The following EHD2 variants were observed in gnomAD, a reference collection of about 807,000 sequenced individuals.
EHD2 encodes the protein EH domain containing 2, also known as EH domain-containing protein 2.
EHD2 carries 27 observed loss-of-function variants against 41.0 expected under a neutral mutation model. The ratio of observed to expected loss-of-function variants is 0.66; its 90% confidence interval spans 0.49 to 0.91. EHD2 has a LOEUF of 0.91. EHD2 is among the 40% of genes least tolerant of loss of function. The probability of loss-of-function intolerance (pLI) is 0.00; values close to 1 mark genes in which losing one functional copy is unlikely to be tolerated. For synonymous variants in EHD2, 342 were observed against 341.0 expected (o/e 1.00, Z -0.03); for missense variants, 673 against 773.9 (o/e 0.87, Z 1.55).
chr19:47,740,904 C>G lies in EHD2; in HGVS notation c.1104C>G (p.Phe368Leu). 6.2e-7 allele frequency: 1 copy of G among 1,613,284 alleles called. No individual in the cohort carries two copies. The highest frequency in any genetic ancestry group is 8.5e-7 in the Non-Finnish European group (1 of 1,179,898). Residue 368 changes from phenylalanine (F) to leucine (L), a missense_variant, in exon 6 of 6, where the codon TTC becomes TTG. Transcript: ENST00000263277. ...KMQELLMAHD[F>L]TKFHSLKPKL... ...AGGAGCTGCTGATGGCGCACGACTT[C>G]ACCAAGTTTCACTCGCTGAAGCCGA... is the stretch of plus-strand genomic sequence containing the variant.
At chr19:47,716,209 G>A (rs774210413) in intron 1 of EHD2, among the ~76,000 whole-genome samples, 11 of 151,304 alleles carry the variant, frequency 7.3e-5, no homozygotes, top group Non-Finnish European at 1.3e-4. Flanking sequence ...CTCCCAAAGT[G>A]CTAGGACTAC....
chr19:47,714,664 C>G (rs904115177), intron 1 of EHD2, among the ~76,000 whole-genome samples: 1 of 152,070 alleles, frequency 6.6e-6, no homozygotes, highest in African/African-American at 2.4e-5. Flanking sequence ...GTGTTTGAGT[C>G]CCAGCTTGAG....
rs745870470 is a variant in EHD2, at chr19:47,716,979, C to T, written c.367C>T (p.Arg123Cys). ...ALVVDPDKPF[R>C]KLNPFGNTFL... ...CGTCGTGGACCCGGACAAGCCCTTC[C>T]GCAAACTCAACCCTTTCGGAAACAC... The change falls in exon 2 of 6, where the codon CGC becomes TGC. Residue 123 changes from arginine to cysteine, a missense_variant. Physicochemically the swap from Arg to Cys is radical, Grantham distance 180 (BLOSUM62 -3). Coordinates refer to ENST00000263277, the MANE Select transcript of EHD2 (RefSeq NM_014601.4). 7.5e-6 allele frequency: 12 copies of T among 1,603,486 alleles called. No homozygotes were observed. Among genetic ancestry groups the T allele is most frequent in the Admixed American group, 1.7e-5 (1 of 60,026 alleles).
At chr19:47,723,581 G>A (rs767470681) in intron 3 of EHD2, among the ~76,000 whole-genome samples, 1 of 147,170 alleles carries the variant, frequency 6.8e-6, no homozygotes, top group Non-Finnish European at 1.5e-5. Context: ...GCTTGAACTC[G>A]AGAGGCAGAG....
intron 4 of EHD2, among the ~76,000 whole-genome samples, chr19:47,726,564 C>T (rs1297524475): frequency 4.6e-5 from 7 of 151,338 alleles, no homozygotes; most frequent in Non-Finnish European, 7.4e-5. Flanking sequence ...CCCTCCTCCT[C>T]CTCCTTCTTC....
At position 47,718,605 on chromosome 19, in the gene EHD2, C is replaced by G; in HGVS notation, c.501C>G (p.Arg167=). Residue 167 remains arginine, a splice_region_variant and synonymous_variant, in exon 3 of 6, where the codon CGC becomes CGG. Transcript: ENST00000263277. ...ILSGAKQRVS[R]GYDFPAVLRW... ...CGGGTGCCAAGCAGAGAGTGAGCCG[C>G]GGTGAGTGGGGCCAGACCCTGGGGT... 1 of 1,548,784 alleles carries G rather than the reference C, an allele frequency of 6.5e-7. No individual in the cohort carries two copies. Among genetic ancestry groups the G allele is most frequent in the Non-Finnish European group, 8.7e-7 (1 of 1,143,758 alleles).
chr19:47,733,751 C>CAAAAAAAAAAAAAAAA lies in EHD2; in HGVS notation c.916-2609_916-2594dup, dbSNP rs34254815. 2.4e-3 allele frequency among the ~76,000 whole-genome samples: 135 copies of CAAAAAAAAAAAAAAAA among 57,116 alleles called. 19 individuals are homozygous for CAAAAAAAAAAAAAAAA. The highest frequency in any genetic ancestry group is 3.5e-3 in the Non-Finnish European group (106 of 30,148). The allele number at this position is 57,116 out of a possible 152,430, so 37.5% of individuals were successfully genotyped here. A position where few individuals can be genotyped will look rare whatever the true frequency, so the allele number is the denominator to read the frequency against. On this transcript the variant is annotated intron_variant, in intron 4 of 5. Coordinates refer to ENST00000263277, the MANE Select transcript of EHD2 (RefSeq NM_014601.4). ...TGGGTGACAGAGCAAGACTCTGTCT[C>CAAAAAAAAAAAAAAAA]AAAAAAAAAAAAAAAAAAAAAAAAT... is the stretch of plus-strand genomic sequence containing the variant.
At position 47,718,667 on chromosome 19, in the gene EHD2, C is replaced by T. The variant is rs1599886955; in HGVS notation, c.502+61C>T. On this transcript the variant is annotated intron_variant, in intron 3 of 5. Transcript: ENST00000263277. ...GGGGCTGGGGCCTGGACTCCTGGGTCTGAGGGAGGAGGGACTGGGCCCGGA... is the reference window on the plus strand; with the variant it reads ...GGGGCTGGGGCCTGGACTCCTGGGTTTGAGGGAGGAGGGACTGGGCCCGGA... The T allele has an allele frequency of 1.1e-5, 16 of 1,401,950 alleles. No homozygotes were observed. In the East Asian group the frequency reaches 4.5e-4, roughly 39 times the overall value. The allele number at this position is 1,401,950 out of a possible 1,614,324, so 86.8% of individuals were successfully genotyped here.
chr19:47,721,832 A>C (rs1973699581), intron 3 of EHD2, among the ~76,000 whole-genome samples: 1 of 151,906 alleles, frequency 6.6e-6, no homozygotes, highest in Non-Finnish European at 1.5e-5. Context: ...TAAAAATACA[A>C]AAATTAGCTG....
intron 4 of EHD2, among the ~76,000 whole-genome samples, chr19:47,733,773 A>AAAAAAAAAAAAAAAAAAC (rs1568592563): frequency 6.7e-6 from 1 of 149,868 alleles, no homozygotes; most frequent in Non-Finnish European, 1.5e-5. Flanking sequence ...AAAAAAAAAA[A>AAAAAAAAAAAAAAAAAAC]AATCCACTGT....
At chr19:47,729,049 C>T (rs1973781739) in intron 4 of EHD2, among the ~76,000 whole-genome samples, 1 of 152,210 alleles carries the variant, frequency 6.6e-6, no homozygotes, top group African/African-American at 2.4e-5. Context: ...ACGATGGTTC[C>T]AGTCCTGTCC....
At chr19:47,727,340 G>A (rs144522930) in intron 4 of EHD2, among the ~76,000 whole-genome samples, 1 of 151,296 alleles carries the variant, frequency 6.6e-6, no homozygotes, top group Admixed American at 6.6e-5. Flanking sequence ...CAGGTGATCC[G>A]CTCTCCTTGG....
At chr19:47,733,506 T>C (rs142855718) in intron 4 of EHD2, among the ~76,000 whole-genome samples, 198 of 151,688 alleles carry the variant, frequency 1.3e-3, no homozygotes, top group African/African-American at 4.4e-3. Context: ...ACCCAGTCTC[T>C]ACTAAAAATA....
chr19:47,723,858 T>C (rs1384744600), intron 3 of EHD2, among the ~76,000 whole-genome samples: 2 of 151,870 alleles, frequency 1.3e-5, no homozygotes, highest in African/African-American at 4.8e-5. Context: ...TTTATTTTAT[T>C]TTTTTCTGTA....
Position 47,716,108 on chromosome 19 carries a change from G to T in EHD2, c.-55-450G>T, listed in dbSNP as rs1973622196. 5.3e-5 allele frequency among the ~76,000 whole-genome samples: 6 copies of T among 114,052 alleles called. No homozygotes were observed. The South Asian group carries it at 1.2e-3, about 23-fold the overall frequency. The allele number at this position is 114,052 out of a possible 152,430, so 74.8% of individuals were successfully genotyped here. On this transcript the variant is annotated intron_variant, in intron 1 of 5. Coordinates refer to ENST00000263277, the MANE Select transcript of EHD2 (RefSeq NM_014601.4). The stretch of plus-strand genomic sequence containing the variant: ...TTTTTTTGAGATGGGGTCTTACTCT[G>T]TAGCCCAGGCTGGAGTGCAGCGGCA...
chr19:47,725,996 G>A lies in EHD2; in HGVS notation c.687G>A (p.Leu229=). The A allele has an allele frequency of 6.2e-7, 1 of 1,610,408 alleles. No homozygotes were observed. The highest frequency in any genetic ancestry group is 8.5e-7 in the Non-Finnish European group (1 of 1,177,618). The change falls in exon 4 of 6, where the codon CTG becomes CTA. Residue 229 remains leucine, a synonymous_variant. Transcript: ENST00000263277. ...CCGACATGGTGGAGACGCAGCAGCT[G>A]ATGCGCGTCTACGGCGCGCTCATGT... The part of the protein sequence containing the change: ...NKADMVETQQ[L]MRVYGALMWA...
chr19:47,722,009 AACACAC>A (rs201572396), intron 3 of EHD2, among the ~76,000 whole-genome samples: 4,885 of 130,670 alleles, frequency 0.037, 76 homozygotes, highest in Middle Eastern at 0.042. Context: ...AGAAAAACAA[AACACAC>A]ACACACACAC....
chr19:47,734,318 G>A (rs1319336873), intron 4 of EHD2, among the ~76,000 whole-genome samples: 1 of 152,066 alleles, frequency 6.6e-6, no homozygotes, highest in East Asian at 1.9e-4. Flanking sequence ...CTGGGGGACA[G>A]AGCCAGACCC....
chr19:47,740,681 C>T (rs1033707432), intron 5 of EHD2, among the ~76,000 whole-genome samples, 200 bp from the exon 6 acceptor site: 3 of 151,982 alleles, frequency 2.0e-5, no homozygotes, highest in African/African-American at 4.8e-5. Flanking sequence ...GGAAGGCGGA[C>T]GTTGCAGTGA....
Sources: allele counts gnomAD v4.1 joint callset (sites outside exome capture counted in the v4.1 genomes callset), GRCh38; gene constraint gnomAD v4.1.1; transcripts MANE v1.5; gene names NCBI Gene and HGNC (gene_info 2026-07-23, HGNC 2026-07-21).